Variants in MARCHF1 observed in about 807,000 individuals in gnomAD.
MARCHF1 encodes the protein membrane associated ring-CH-type finger 1, also known as E3 ubiquitin-protein ligase MARCHF1.
Under a neutral mutation model 54.2 loss-of-function variants are expected in MARCHF1, and 40 were observed. The observed-to-expected ratio is 0.74, with a 90% CI of 0.57 to 0.96. The LOEUF is 0.96. Ranked by LOEUF, MARCHF1 falls within the 40% of genes least tolerant of loss-of-function variation. MARCHF1 has a pLI of 0.00. For missense variants in MARCHF1, 586 were observed against 656.5 expected (o/e 0.89, Z 1.17); for synonymous variants, 236 against 236.3 (o/e 1.00, Z 0.01).
At chr4:164,281,855 CCTT>C (rs890324198) in intron 1 of MARCHF1, among the ~76,000 whole-genome samples, 2 of 152,164 alleles carry the variant, frequency 1.3e-5, no homozygotes, top group Non-Finnish European at 2.9e-5. Flanking sequence ...GTCAGCGTGT[CCTT>C]CTTCTAACAA....
chr4:164,020,118 T>C (rs746879705), intron 2 of MARCHF1, among the ~76,000 whole-genome samples: 1 of 152,216 alleles, frequency 6.6e-6, no homozygotes, highest in African/African-American at 2.4e-5. Context: ...TACTCAGGAT[T>C]TAACTTCACC....
chr4:164,315,598 T>C (rs1005942226), intron 1 of MARCHF1, among the ~76,000 whole-genome samples: 13 of 152,156 alleles, frequency 8.5e-5, no homozygotes, highest in Admixed American at 2.6e-4. Flanking sequence ...TAATAGTCCA[T>C]TTTATGAATG....
Position 164,161,545 on chromosome 4 carries a change from T to TCATCATCAG in MARCHF1, c.-322-49884_-322-49883insCTGATGATG, listed in dbSNP as rs765753027. 1.9e-4 allele frequency among the ~76,000 whole-genome samples: 28 copies of TCATCATCAG among 150,902 alleles called. 2 individuals carry two copies. Among genetic ancestry groups the TCATCATCAG allele is most frequent in the Middle Eastern group, 3.4e-3 (1 of 294 alleles). On this transcript the variant is annotated intron_variant, in intron 1 of 9. Coordinates refer to ENST00000514618, the MANE Select transcript of MARCHF1 (RefSeq NM_001394959.1). The stretch of plus-strand genomic sequence containing the variant: ...ATCAAAATCATCATCATCATCATCA[T>TCATCATCAG]CAGCAGCAGCAGCAGCAGCAGCAGC...
At chr4:164,236,023 T>C (rs756552321) in intron 1 of MARCHF1, among the ~76,000 whole-genome samples, 5 of 152,146 alleles carry the variant, frequency 3.3e-5, no homozygotes, top group Non-Finnish European at 5.9e-5. Flanking sequence ...TATTGTCTCC[T>C]GATACGTAGG....
intron 2 of MARCHF1, among the ~76,000 whole-genome samples, chr4:164,080,662 GTGTGTGTGTATATATATATATA>G (rs1206987265): frequency 6.6e-6 from 1 of 150,598 alleles, no homozygotes; most frequent in Admixed American, 6.6e-5. Flanking sequence ...GTGTGTGTGT[GTGTGTGTGTATATATATATATA>G]TGTGTGTGTA....
chr4:163,892,708 G>A (rs1236554840), intron 3 of MARCHF1, among the ~76,000 whole-genome samples: 1 of 151,984 alleles, frequency 6.6e-6, no homozygotes, highest in African/African-American at 2.4e-5. Flanking sequence ...TTTGCCATAA[G>A]GGAGATGATG....
intron 1 of MARCHF1, among the ~76,000 whole-genome samples, chr4:164,306,387 C>T (rs777610367): frequency 6.6e-6 from 1 of 152,074 alleles, no homozygotes; most frequent in Non-Finnish European, 1.5e-5. Flanking sequence ...CAAGGTCACA[C>T]TCCAAGTTAG....
intron 4 of MARCHF1, among the ~76,000 whole-genome samples, chr4:163,751,008 A>T (rs111606299): frequency 2.0e-5 from 3 of 152,208 alleles, no homozygotes; most frequent in Non-Finnish European, 4.4e-5. Context: ...AAAGATAATA[A>T]AATTTGCTTA....
At chr4:163,530,323 CA>C (rs1738303093) in intron 9 of MARCHF1, 1 of 151,990 alleles carries the variant, frequency 6.6e-6, no homozygotes, top group South Asian at 2.1e-4. Context: ...GCTCATGTTG[CA>C]AGATCTTTCT....
At chr4:164,363,286 T>C (rs549762260) in intron 1 of MARCHF1, among the ~76,000 whole-genome samples, 1 of 152,274 alleles carries the variant, frequency 6.6e-6, no homozygotes, top group South Asian at 2.1e-4. Context: ...AAAATGTGAA[T>C]ATTTCAATAT....
At chr4:164,285,583 T>C (rs987744920) in intron 1 of MARCHF1, among the ~76,000 whole-genome samples, 9 of 151,738 alleles carry the variant, frequency 5.9e-5, no homozygotes, top group African/African-American at 1.7e-4. Context: ...GCTAGGACTC[T>C]AGGCGCCTGC....
intron 3 of MARCHF1, among the ~76,000 whole-genome samples, chr4:163,947,736 T>A (rs1339315784): frequency 1.3e-5 from 2 of 152,234 alleles, no homozygotes; most frequent in Non-Finnish European, 2.9e-5. Flanking sequence ...GTGGTAGAAG[T>A]AGGAAACTAG....
intron 1 of MARCHF1, among the ~76,000 whole-genome samples, chr4:164,373,256 ATGGC>A (rs1350284395): frequency 1.3e-5 from 2 of 151,612 alleles, no homozygotes; most frequent in Non-Finnish European, 2.9e-5. Context: ...ACAGCTGAAT[ATGGC>A]CTGGAATTTG....
At chr4:164,109,898 A>C (rs1183531221) in intron 2 of MARCHF1, among the ~76,000 whole-genome samples, 2 of 131,652 alleles carry the variant, frequency 1.5e-5, no homozygotes, top group Admixed American at 8.3e-5. Context: ...ATACCCCTGA[A>C]CCTAAAATAA....
At chr4:163,798,810 T>C (rs575159598) in intron 4 of MARCHF1, among the ~76,000 whole-genome samples, 57 of 152,090 alleles carry the variant, frequency 3.7e-4, no homozygotes, top group African/African-American at 1.2e-3. Context: ...AAAAAGGCTA[T>C]AAAAAGTAGT....
chr4:164,351,455 C>T (rs538987550), intron 1 of MARCHF1, among the ~76,000 whole-genome samples: 71 of 150,998 alleles, frequency 4.7e-4, no homozygotes, highest in African/African-American at 1.6e-3. Context: ...TCCCTGACCC[C>T]TGACCCCCGA....
intron 1 of MARCHF1, among the ~76,000 whole-genome samples, chr4:164,241,179 C>G (rs752652042): frequency 6.6e-6 from 1 of 152,134 alleles, no homozygotes; most frequent in Non-Finnish European, 1.5e-5. Context: ...ACTGACTCAG[C>G]CTTCGAAGAC....
chr4:164,068,526 G>A (rs1395984135), intron 2 of MARCHF1, among the ~76,000 whole-genome samples: 2 of 152,176 alleles, frequency 1.3e-5, no homozygotes, highest in African/African-American at 2.4e-5. Context: ...GAGCAGTGAG[G>A]GGCTTAGCAC....
intron 8 of MARCHF1, among the ~76,000 whole-genome samples, chr4:163,563,789 G>A (rs1230335607): frequency 6.6e-6 from 1 of 152,180 alleles, no homozygotes; most frequent in Non-Finnish European, 1.5e-5. Flanking sequence ...TAAGCAATGT[G>A]TGAATTCTGG....
Sources: gnomAD v4.1 joint callset for allele counts (sites outside exome capture counted in the v4.1 genomes callset) on GRCh38, gnomAD v4.1.1 for gene constraint, MANE v1.5 for transcripts, NCBI Gene and HGNC (gene_info 2026-07-23, HGNC 2026-07-21) for gene names.